The following KIFBP variants were observed in gnomAD, a reference collection of about 807,000 sequenced individuals.
The protein encoded by KIFBP is KIF-binding protein.
A neutral mutation model predicts 58.9 loss-of-function variants in KIFBP; 46 were observed. That is an observed-to-expected ratio of 0.78 (90% CI 0.62 to 1.00). The LOEUF is 1.00. KIFBP is among the 50% of genes least tolerant of loss of function. The pLI is 0.00. For missense variants in KIFBP, 651 were observed against 752.9 expected (o/e 0.86, Z 1.58); for synonymous variants, 241 against 283.4 (o/e 0.85, Z 1.50).
chr10:68,991,986 T>G (rs998297363), intron 1 of KIFBP, among the ~76,000 whole-genome samples: 1 of 151,684 alleles, frequency 6.6e-6, no homozygotes, highest in African/African-American at 2.4e-5. Flanking sequence ...TTTTTTTGCT[T>G]GTTTTTTATT....
intron 2 of KIFBP, among the ~76,000 whole-genome samples, chr10:69,001,997 T>C (rs1420835024): frequency 3.3e-5 from 5 of 151,818 alleles, no homozygotes; most frequent in African/African-American, 1.2e-4. Context: ...CAGGAAGACC[T>C]CATCACTACA....
chr10:69,011,183 G>T, intron 6 of KIFBP, 168 bp downstream of exon 6: 1 of 611,494 alleles, frequency 1.6e-6, no homozygotes, highest in Admixed American at 2.3e-5. Flanking sequence ...TCTTCGAATT[G>T]CTTGAATCCG....
chr10:69,009,024 A>G (rs1023223604), intron 5 of KIFBP, 99 bp downstream of exon 5: 4 of 908,110 alleles, frequency 4.4e-6, no homozygotes, highest in Admixed American at 1.8e-5. Context: ...AAGAGCTATC[A>G]TATGCCCTTC....
chr10:69,008,391 A>AAAAATATATATATATATAT, intron 4 of KIFBP, among the ~76,000 whole-genome samples: 13 of 71,592 alleles, frequency 1.8e-4, no homozygotes, highest in African/African-American at 9.3e-4. Context: ...AAAAAAAAAA[A>AAAAATATATATATATATAT]ATATATATAT....
At chr10:69,012,959 A>T (rs1177394776) in intron 6 of KIFBP, among the ~76,000 whole-genome samples, 1 of 152,100 alleles carries the variant, frequency 6.6e-6, no homozygotes, top group African/African-American at 2.4e-5. Flanking sequence ...AACAGGAAGC[A>T]TGACTAGGAG....
intron 6 of KIFBP, among the ~76,000 whole-genome samples, chr10:69,013,088 G>C (rs909301660): frequency 2.6e-5 from 4 of 151,996 alleles, no homozygotes; most frequent in African/African-American, 9.7e-5. Context: ...AAAACCATCA[G>C]ATCTCATGAG....
In KIFBP at chr10:69,008,377, T is replaced by TAAAAAAAAAAAAAAAA. The variant is rs1211667916; in HGVS notation, c.790-449_790-448insAAAAAAAAAAAAAAAA. Among the ~76,000 whole-genome samples the TAAAAAAAAAAAAAAAA allele has an allele frequency of 1.2e-4, 9 of 75,418 alleles. 1 individual carries two copies. Among genetic ancestry groups the TAAAAAAAAAAAAAAAA allele is most frequent in the African/African-American group, 7.5e-4 (9 of 12,006 alleles). 49.5% of individuals were successfully genotyped at this position (75,418 alleles called of 152,430 possible). A position where few individuals can be genotyped will look rare whatever the true frequency, so the allele number is the denominator to read the frequency against. On this transcript the variant is annotated intron_variant, in intron 4 of 6. Transcript: ENST00000361983. ...GGGCCAGAGTGAGACCCCTGTCTCG[T>TAAAAAAAAAAAAAAAA]AAAAAAAAAAAAAAATATATATATA...
At position 68,994,200 on chromosome 10, in the gene KIFBP, T is replaced by A. The variant is rs894884884; in HGVS notation, c.426+4942T>A. 1.4e-4 allele frequency among the ~76,000 whole-genome samples: 21 copies of A among 151,546 alleles called. No homozygotes were observed. In the East Asian group the frequency reaches 2.3e-3, roughly 17 times the overall value. ...GACCCTGTCTCAGAAAAAAAAAAAA[T>A]TTATAGAATGATCCTATTTTTGTAT... On this transcript the variant is annotated intron_variant, in intron 1 of 6. Coordinates refer to ENST00000361983, the MANE Select transcript of KIFBP (RefSeq NM_015634.4).
At chr10:69,012,659 A>G (rs564206162) in intron 6 of KIFBP, among the ~76,000 whole-genome samples, 183 of 152,236 alleles carry the variant, frequency 1.2e-3, no homozygotes, top group Non-Finnish European at 2.3e-3. Flanking sequence ...TGGGAGGCCA[A>G]GGTGGGTGGA....
chr10:69,012,999 G>A (rs1420184267), intron 6 of KIFBP, among the ~76,000 whole-genome samples: 2 of 152,070 alleles, frequency 1.3e-5, no homozygotes, highest in Non-Finnish European at 2.9e-5. Flanking sequence ...CATGGCGGAA[G>A]GCGAAAGAGA....
At chr10:69,003,834 T>C (rs1843498536) in intron 2 of KIFBP, among the ~76,000 whole-genome samples, 1 of 152,244 alleles carries the variant, frequency 6.6e-6, no homozygotes, top group South Asian at 2.1e-4. Flanking sequence ...TTTAGAATAC[T>C]ACTACTGTAG....
Position 68,988,939 on chromosome 10 carries a change from A to G in KIFBP, c.107A>G (p.Lys36Arg). The G allele has an allele frequency of 1.2e-6, 2 of 1,614,206 alleles. No homozygotes were observed. The highest frequency in any genetic ancestry group is 1.3e-5 in the African/African-American group (1 of 75,066). ...CCGGAGAAGGAACCATACAAGTCCA[A>G]ATACAGCGCCCGGGCGCTACTGGAA... ...KNPEKEPYKS[K>R]YSARALLEEV... The change falls in exon 1 of 7, where the codon AAA (lysine) becomes AGA (arginine). Residue 36 changes from lysine (K) to arginine (R), a missense_variant. Physicochemically the swap from Lys to Arg is conservative, Grantham distance 26. Transcript: ENST00000361983.
At chr10:69,010,743 TG>T (rs568633412) in intron 5 of KIFBP, among the ~76,000 whole-genome samples, 156 bp from the exon 6 acceptor site, 100 of 151,946 alleles carry the variant, frequency 6.6e-4, no homozygotes, top group Admixed American at 1.4e-3. Flanking sequence ...TAGTAGGATT[TG>T]GGGGGGGATC....
Position 68,988,819 on chromosome 10 carries a change from C to A in KIFBP, c.-14C>A. The A allele has an allele frequency of 6.2e-7, 1 of 1,614,254 alleles. No individual in the cohort carries two copies. The highest frequency in any genetic ancestry group is 1.1e-5 in the South Asian group (1 of 91,084). ...ACTGCAAACATTGAGGAAAGCCAGG[C>A]AGTAGAGGCCGCTATGGCGAACGTT... On this transcript the variant is annotated 5_prime_UTR_variant, in exon 1 of 7. Transcript: ENST00000361983.
chr10:69,006,041 C>A, intron 4 of KIFBP, 126 bp downstream of exon 4: 2 of 871,146 alleles, frequency 2.3e-6, no homozygotes, highest in Non-Finnish European at 1.7e-6. Flanking sequence ...ACAACTGAAG[C>A]CGAAAATGCA....
intron 5 of KIFBP, among the ~76,000 whole-genome samples, chr10:69,010,368 T>C (rs564268467): frequency 1.3e-5 from 2 of 151,964 alleles, no homozygotes; most frequent in Non-Finnish European, 2.9e-5. Flanking sequence ...GTTTCAAGTT[T>C]AAAAAAAATG....
At chr10:69,003,494 G>A (rs979151747) in intron 2 of KIFBP, among the ~76,000 whole-genome samples, 2 of 152,174 alleles carry the variant, frequency 1.3e-5, no homozygotes, top group Non-Finnish European at 2.9e-5. Flanking sequence ...TCAGTTAAAA[G>A]CAAGAGTGTG....
intron 1 of KIFBP, among the ~76,000 whole-genome samples, chr10:68,990,634 T>C (rs569384074): frequency 6.6e-6 from 1 of 152,184 alleles, no homozygotes; most frequent in African/African-American, 2.4e-5. Context: ...CTTTAAAAAG[T>C]TAAAATAATA....
rs1316056840 is a variant in KIFBP at position 68,989,112 on chromosome 10, C to T, written c.280C>T (p.Leu94=). The change falls in exon 1 of 7, where the codon CTG becomes TTG. Residue 94 remains leucine, a synonymous_variant. Transcript: ENST00000361983. ...GCCCGTCGCCCAGCGAGCGGTGAGGCTGGCAGTCATCGAGTTCCACCTCGG... is the reference window on the plus strand; with the variant it reads ...GCCCGTCGCCCAGCGAGCGGTGAGGTTGGCAGTCATCGAGTTCCACCTCGG... ...EGPVAQRAVR[L]AVIEFHLGVN... is the part of the protein sequence containing the mutation. 1.2e-6 allele frequency: 2 copies of T among 1,610,892 alleles called. No homozygotes were observed. The highest frequency in any genetic ancestry group is 2.7e-5 in the African/African-American group (2 of 74,856).
Sources: gnomAD v4.1 joint callset for allele counts (sites outside exome capture counted in the v4.1 genomes callset) on GRCh38, gnomAD v4.1.1 for gene constraint, MANE v1.5 for transcripts, NCBI Gene and HGNC (gene_info 2026-07-23, HGNC 2026-07-21) for gene names.